The following FOXRED2 variants were observed in gnomAD, a reference collection of about 807,000 sequenced individuals.
FOXRED2 encodes FAD dependent oxidoreductase domain containing 2.
A neutral mutation model predicts 52.5 loss-of-function variants in FOXRED2; 32 were observed. The observed-to-expected ratio is 0.61, with a 90% CI of 0.46 to 0.82. The LOEUF is 0.82. Ranked by LOEUF, FOXRED2 falls within the 40% of genes least tolerant of loss-of-function variation. The pLI is 0.00. For synonymous variants in FOXRED2, 405 were observed against 398.1 expected (o/e 1.02, Z -0.21); for missense variants, 848 against 937.5 (o/e 0.90, Z 1.25).
chr22:36,498,007 C>T lies in FOXRED2; in HGVS notation c.1366G>A (p.Val456Ile). ...GCTACTCACTCCTTCAACAGGATGA[C>T]ATCGGCCAGCACACCGAACATCTGG... ...LYQMFGVLAD[V>I]ILLKENSTAF... The change falls in exon 6 of 9, where the codon GTC becomes ATC. Residue 456 changes from valine (V) to isoleucine (I), a missense_variant. By Grantham distance (29) the Val-to-Ile change is conservative. Transcript: ENST00000397224. The T allele has an allele frequency of 6.2e-7, 1 of 1,613,896 alleles. No individual in the cohort carries two copies. The highest frequency in any genetic ancestry group is 1.7e-4 in the Middle Eastern group (1 of 6,060).
chr22:36,505,973 A>G lies in FOXRED2; in HGVS notation c.450T>C (p.Thr150=). 1.9e-6 allele frequency: 3 copies of G among 1,614,180 alleles called. No homozygotes were observed. The South Asian group carries it at 3.3e-5, about 18-fold the overall frequency. The part of the protein sequence containing the change: ...VQYNTTIAHV[T]LDKDRQAWNG... ...TCCAGGCCTGTCGGTCCTTGTCCAG[A>G]GTGACGTGGGCGATGGTGGTGTTGT... Residue 150 remains threonine (T), a synonymous_variant, in exon 2 of 9, where the codon ACT becomes ACC. Coordinates refer to ENST00000397224, the MANE Select transcript of FOXRED2 (RefSeq NM_001102371.2).
In FOXRED2 at chr22:36,488,505, C is replaced by A. The variant is rs2053226277; in HGVS notation, c.*1503G>T. On this transcript the variant is annotated 3_prime_UTR_variant, in exon 9 of 9. Transcript: ENST00000397224. ...GAATTCCTGAGCTCAGGTGATCGGC[C>A]CACTTTGGCCTCCCAAAGTGCTGGG... is the stretch of plus-strand genomic sequence containing the variant. 2 of 152,072 alleles carry A rather than the reference C, an allele frequency of 1.3e-5. 1 individual carries two copies. Among genetic ancestry groups the A allele is most frequent in the South Asian group, 4.1e-4 (2 of 4,824 alleles). 9.4% of individuals were successfully genotyped at this position (152,072 alleles called of 1,614,324 possible).
At chr22:36,494,873 G>A (rs1380866449) in intron 7 of FOXRED2, among the ~76,000 whole-genome samples, 25 of 151,774 alleles carry the variant, frequency 1.6e-4, no homozygotes, top group Non-Finnish European at 3.7e-4. Flanking sequence ...TCCTGACCTC[G>A]TGATCCGCCC....
chr22:36,495,720 C>G (rs980860699), intron 7 of FOXRED2, among the ~76,000 whole-genome samples: 1 of 152,258 alleles, frequency 6.6e-6, no homozygotes, highest in African/African-American at 2.4e-5. Flanking sequence ...GTCCCTCTTA[C>G]TACACAGTGC....
At chr22:36,498,294 G>T in intron 5 of FOXRED2, 138 bp from the exon 6 acceptor site, 1 of 940,942 alleles carries the variant, frequency 1.1e-6, no homozygotes, top group Non-Finnish European at 1.5e-6. Context: ...ACGCCTAGGT[G>T]GTGAACACAT....
chr22:36,489,979 C>A lies in FOXRED2; in HGVS notation c.*29G>T. On this transcript the variant is annotated 3_prime_UTR_variant, in exon 9 of 9. Coordinates refer to ENST00000397224, the MANE Select transcript of FOXRED2 (RefSeq NM_001102371.2). ...ATGGGCCTAGGTGGGGAGGCCTGGC[C>A]ACTGTGCCCACAGCTTAGGAAGGGA... 1 of 1,525,102 alleles carries A rather than the reference C, an allele frequency of 6.6e-7. No homozygotes were observed. The highest frequency in any genetic ancestry group is 8.8e-7 in the Non-Finnish European group (1 of 1,133,762). The allele number at this position is 1,525,102 out of a possible 1,614,324, so 94.5% of individuals were successfully genotyped here.
chr22:36,491,689 T>C (rs1205204084), intron 8 of FOXRED2, among the ~76,000 whole-genome samples: 2 of 152,090 alleles, frequency 1.3e-5, no homozygotes, highest in Admixed American at 6.6e-5. Flanking sequence ...ACAGGCGTGA[T>C]CCAGCATCCA....
At chr22:36,502,546 T>C (rs768628816) in intron 4 of FOXRED2, among the ~76,000 whole-genome samples, 1 of 152,096 alleles carries the variant, frequency 6.6e-6, no homozygotes, top group Non-Finnish European at 1.5e-5. Context: ...ACAGGCATGA[T>C]CATAGCACAC....
intron 2 of FOXRED2, among the ~76,000 whole-genome samples, chr22:36,505,599 T>A (rs1934168908): frequency 1.3e-5 from 2 of 151,892 alleles, no homozygotes; most frequent in African/African-American, 4.8e-5. Context: ...TGAAATCTCA[T>A]CTCCACCAAA....
intron 2 of FOXRED2, among the ~76,000 whole-genome samples, chr22:36,505,679 G>A (rs1482373827): frequency 1.3e-5 from 2 of 152,188 alleles, no homozygotes; most frequent in Admixed American, 1.3e-4. Flanking sequence ...GCTGAGGCAG[G>A]AGAATCGCTT....
At chr22:36,505,816 T>A in intron 2 of FOXRED2, 80 bp downstream of exon 2, 1 of 1,387,978 alleles carries the variant, frequency 7.2e-7, no homozygotes, top group Non-Finnish European at 1.0e-6. Flanking sequence ...ATTCCTCCCA[T>A]ACCTACTGGC....
chr22:36,501,285 T>C lies in FOXRED2; in HGVS notation c.1172A>G (p.Tyr391Cys). ...ILGTASHSVD[Y>C]RKSAGGFIHG... ...GATGAAGCCCCCAGCAGATTTCCGGTAGTCCACCGAGTGGCTGGCAGTACC... is the reference window on the plus strand; with the variant it reads ...GATGAAGCCCCCAGCAGATTTCCGGCAGTCCACCGAGTGGCTGGCAGTACC... Residue 391 changes from tyrosine (Y) to cysteine (C), a missense_variant, in exon 5 of 9, where the codon TAC becomes TGC. By Grantham distance (194) the Tyr-to-Cys change is radical (BLOSUM62 -2). Transcript: ENST00000397224. 1 of 1,614,110 alleles carries C rather than the reference T, an allele frequency of 6.2e-7. No individual in the cohort carries two copies.
chr22:36,506,294 C>T lies in FOXRED2; in HGVS notation c.129G>A (p.Leu43=). ...CGCGCTGCAGGAAGTAGGCCATCTG[C>T]AGGCCCGCGGGCCCAGCGCCCAGCA... The part of the protein sequence containing the change: ...YCVLGAGPAG[L]QMAYFLQRAG... The change falls in exon 2 of 9, where the codon CTG becomes CTA. Residue 43 remains leucine (L), a synonymous_variant. Transcript: ENST00000397224. 2 of 1,584,996 alleles carry T rather than the reference C, an allele frequency of 1.3e-6. No individual in the cohort carries two copies. Among genetic ancestry groups the T allele is most frequent in the South Asian group, 2.3e-5 (2 of 88,236 alleles).
rs778321750 is a variant in FOXRED2, at chr22:36,504,495, C to T, written c.779+20G>A. 2.4e-5 allele frequency: 38 copies of T among 1,613,826 alleles called. No individual in the cohort carries two copies. The highest frequency in any genetic ancestry group is 6.7e-5 in the Admixed American group (4 of 59,996). On this transcript the variant is annotated intron_variant, in intron 3 of 8. Coordinates refer to ENST00000397224, the MANE Select transcript of FOXRED2 (RefSeq NM_001102371.2). ...CTCTGGGCTCCCAGCACAGAACACACATGCGGGGATGTGGCCTACCTGAGG... is the reference window on the plus strand; with the variant it reads ...CTCTGGGCTCCCAGCACAGAACACATATGCGGGGATGTGGCCTACCTGAGG...
chr22:36,494,636 T>C (rs1411992619), intron 7 of FOXRED2, among the ~76,000 whole-genome samples: 1 of 151,864 alleles, frequency 6.6e-6, no homozygotes, highest in Non-Finnish European at 1.5e-5. Context: ...TAACTCTTAG[T>C]GCCTCCTTTT....
Position 36,493,644 on chromosome 22 carries a change from C to T in FOXRED2, c.1784G>A (p.Ser595Asn). The T allele has an allele frequency of 1.9e-6, 3 of 1,614,084 alleles. No homozygotes were observed. Among genetic ancestry groups the T allele is most frequent in the African/African-American group, 2.7e-5 (2 of 75,052 alleles). Residue 595 changes from serine to asparagine, a missense_variant, in exon 8 of 9, where the codon AGC becomes AAC. Transcript: ENST00000397224. ...GGAGCTTAAGTTACCTGCATAGAAG[C>T]TTCGCAAATCGGTGTCCAAACAGTT... is the stretch of plus-strand genomic sequence containing the variant. The part of the protein sequence containing the change: ...LENCLDTDLR[S>N]FYAESCFLFA...
chr22:36,490,388 A>C (rs1933725592), intron 8 of FOXRED2, 121 bp from the exon 9 acceptor site: 1 of 1,186,438 alleles, frequency 8.4e-7, no homozygotes, highest in Admixed American at 2.4e-5. Context: ...GGTATCTTCC[A>C]TCCCTTGAAA....
In FOXRED2 at chr22:36,489,851, G is replaced by A. The variant is rs773502734; in HGVS notation, c.*157C>T. 5.8e-6 allele frequency: 4 copies of A among 684,422 alleles called. No individual in the cohort carries two copies. The highest frequency in any genetic ancestry group is 3.7e-5 in the African/African-American group (2 of 54,168). 42.4% of individuals were successfully genotyped at this position (684,422 alleles called of 1,614,324 possible). ...CGCATCCCCGACTTTCAGCCCTCAC[G>A]TGCCATCTGGTGGCTTTGCTGCAGA... On this transcript the variant is annotated 3_prime_UTR_variant, in exon 9 of 9. Coordinates refer to ENST00000397224, the MANE Select transcript of FOXRED2 (RefSeq NM_001102371.2).
Position 36,504,457 on chromosome 22 carries a change from G to C in FOXRED2, c.779+58C>G, listed in dbSNP as rs546499819. On this transcript the variant is annotated intron_variant, in intron 3 of 8. Transcript: ENST00000397224. The stretch of plus-strand genomic sequence containing the variant: ...AGGAAGGGCAGGGGAGGGTTGGGGA[G>C]GCTCTTTCCACACTCTGGGCTCCCA... 1.8e-5 allele frequency: 29 copies of C among 1,609,312 alleles called. No individual in the cohort carries two copies. The African/African-American group carries it at 3.7e-4, about 21-fold the overall frequency.
Sources: gnomAD v4.1 joint callset for allele counts (sites outside exome capture counted in the v4.1 genomes callset) on GRCh38, gnomAD v4.1.1 for gene constraint, MANE v1.5 for transcripts, NCBI Gene and HGNC (gene_info 2026-07-23, HGNC 2026-07-21) for gene names.